The following PCDHGA7 variants were observed in gnomAD, a reference collection of about 807,000 sequenced individuals.
The protein encoded by PCDHGA7 is protocadherin gamma-A7.
A neutral mutation model predicts 58.3 loss-of-function variants in PCDHGA7; 44 were observed. The observed-to-expected ratio is 0.75, with a 90% confidence interval of 0.59 to 0.97. The LOEUF (loss-of-function observed/expected upper bound fraction) is 0.97. Among genes scored for constraint, PCDHGA7 ranks in the 50% least tolerant of loss-of-function variants. PCDHGA7 has a pLI of 0.00. For synonymous variants in PCDHGA7, 516 were observed against 504.2 expected (o/e 1.02, Z -0.31); for missense variants, 1,266 against 1,188.7 (o/e 1.06, Z -0.96).
At chr5:141,399,350 G>T (rs746925566) in intron 1 of PCDHGA7, 2 of 1,613,964 alleles carry the variant, frequency 1.2e-6, no homozygotes, top group East Asian at 2.2e-5. Flanking sequence ...ACCCTAGACC[G>T]AGAGCAAACC....
rs900884760 is a variant in PCDHGA7, at chr5:141,414,031, C to T, written c.2424+28708C>T. ...CAATGGAGAAGTGACATATTCATTC[C>T]GAAAATTACCTGACACGCAATTGTT... On this transcript the variant is annotated intron_variant, in intron 1 of 3. Coordinates refer to ENST00000518325, the MANE Select transcript of PCDHGA7 (RefSeq NM_018920.4). 4 of 1,611,858 alleles carry T rather than the reference C, an allele frequency of 2.5e-6. No homozygotes were observed. The Admixed American group carries it at 6.7e-5, about 27-fold the overall frequency.
At chr5:141,421,825 AG>A in intron 1 of PCDHGA7, 1 of 1,613,802 alleles carries the variant, frequency 6.2e-7, no homozygotes. Flanking sequence ...ACTGGAGGGA[AG>A]CCTGGACCGA....
intron 2 of PCDHGA7, among the ~76,000 whole-genome samples, chr5:141,496,903 A>G (rs990378360): frequency 1.1e-4 from 16 of 150,744 alleles, no homozygotes; most frequent in Non-Finnish European, 2.4e-4. Flanking sequence ...AAAAAAAAAA[A>G]GGCTGGGCAC....
intron 1 of PCDHGA7, chr5:141,388,381 C>T (rs370363580): frequency 1.9e-6 from 3 of 1,613,888 alleles, no homozygotes; most frequent in African/African-American, 2.7e-5. Flanking sequence ...GGTAGCAACA[C>T]ACTGCAGAAT....
At chr5:141,421,504 C>G (rs757410882) in intron 1 of PCDHGA7, 1 of 1,614,062 alleles carries the variant, frequency 6.2e-7, no homozygotes, top group South Asian at 1.1e-5. Flanking sequence ...CAGGATAGAC[C>G]GGGAGGAGCT....
intron 1 of PCDHGA7, chr5:141,404,976 T>G (rs373850794): frequency 4.3e-6 from 7 of 1,614,002 alleles, no homozygotes; most frequent in Non-Finnish European, 5.9e-6. Context: ...CTGGCTGACC[T>G]GGGCAGTCTT....
At position 141,490,376 on chromosome 5, in the gene PCDHGA7, CA is replaced by C; in HGVS notation, c.2425-4430del. 1 of 1,614,184 alleles carries C rather than the reference CA, an allele frequency of 6.2e-7. No individual in the cohort carries two copies. Among genetic ancestry groups the C allele is most frequent in the African/African-American group, 1.3e-5 (1 of 75,030 alleles). On this transcript the variant is annotated intron_variant, in intron 1 of 3. Coordinates refer to ENST00000518325, the MANE Select transcript of PCDHGA7 (RefSeq NM_018920.4). This position sits in a 1 kb window ranked among gnomAD's most constrained non-coding sequence, Gnocchi z 5.4. ...TTGTTTAATGTGCGAGACCGGGACTCAGGTAGAAATGGTGAAGTGAGCCTTG... is the reference window on the plus strand; with the variant it reads ...TTGTTTAATGTGCGAGACCGGGACTCGGTAGAAATGGTGAAGTGAGCCTTG...
At position 141,390,867 on chromosome 5, in the gene PCDHGA7, CGTGT is replaced by C. The variant is rs61319619; in HGVS notation, c.2424+5562_2424+5565del. The C allele has an allele frequency of 5.1e-4, 77 of 151,148 alleles. No homozygotes were observed. The East Asian group carries it at 6.0e-3, about 12-fold the overall frequency. 9.4% of individuals were successfully genotyped at this position (151,148 alleles called of 1,614,324 possible). A position where few individuals can be genotyped will look rare whatever the true frequency, so the allele number is the denominator to read the frequency against. On this transcript the variant is annotated intron_variant, in intron 1 of 3. Coordinates refer to ENST00000518325, the MANE Select transcript of PCDHGA7 (RefSeq NM_018920.4). ...TTATATGCAGTGTACGCTGTGTGTG[CGTGT>C]GTGTGTGTGTGTGTGTGAGAGAGAT...
chr5:141,388,818 G>T, intron 1 of PCDHGA7: 2 of 1,613,928 alleles, frequency 1.2e-6, no homozygotes, highest in Non-Finnish European at 1.7e-6. Context: ...AGAAGTCAAA[G>T]AATATTCCAT....
In PCDHGA7 at chr5:141,421,591, G is replaced by A. The variant is rs1273484124; in HGVS notation, c.2424+36268G>A. The A allele has an allele frequency of 1.9e-6, 3 of 1,613,756 alleles. No homozygotes were observed. In the Admixed American group the frequency reaches 5.0e-5, roughly 27 times the overall value. ...CACCTTGAAGATTTACGGAGTGGAG[G>A]TGGAAATAATAGATATTAATGATAA... is the stretch of plus-strand genomic sequence containing the variant. On this transcript the variant is annotated intron_variant, in intron 1 of 3. Transcript: ENST00000518325.
intron 1 of PCDHGA7, among the ~76,000 whole-genome samples, chr5:141,480,874 G>A (rs1487409799): frequency 2.6e-5 from 4 of 151,950 alleles, no homozygotes; most frequent in African/African-American, 7.3e-5. Context: ...GTGAAACCCC[G>A]TCTCTACTAA....
Position 141,432,670 on chromosome 5 carries a change from G to A in PCDHGA7, c.2424+47347G>A, listed in dbSNP as rs749221752. ...CGCGAGCCCTGCTGGACAGAGACGC[G>A]CTCAAGCAGAGCCTCGTAGTGGCCG... On this transcript the variant is annotated intron_variant, in intron 1 of 3. Coordinates refer to ENST00000518325, the MANE Select transcript of PCDHGA7 (RefSeq NM_018920.4). The surrounding 1 kb of genome is among the most constrained non-coding windows in gnomAD (Gnocchi z 6.0). The A allele has an allele frequency of 6.8e-6, 11 of 1,613,748 alleles. No individual in the cohort carries two copies. The East Asian group carries it at 1.8e-4, about 26-fold the overall frequency.
In PCDHGA7 at chr5:141,490,861, T is replaced by C. The variant is rs1465042036; in HGVS notation, c.2425-3946T>C. The C allele has an allele frequency of 1.2e-6, 2 of 1,613,816 alleles. No individual in the cohort carries two copies. Among genetic ancestry groups the C allele is most frequent in the Non-Finnish European group, 1.7e-6 (2 of 1,179,920 alleles). On this transcript the variant is annotated intron_variant, in intron 1 of 3. Coordinates refer to ENST00000518325, the MANE Select transcript of PCDHGA7 (RefSeq NM_018920.4). The surrounding 1 kb of genome is among the most constrained non-coding windows in gnomAD (Gnocchi z 5.4). Reference sequence around the variant, plus strand: ...TGTGGTGGGGGTTCGAGACTCCGGCTCTCCCCCATTGCATGCCAACACATC... The same window carrying C: ...TGTGGTGGGGGTTCGAGACTCCGGCCCTCCCCCATTGCATGCCAACACATC...
intron 1 of PCDHGA7, chr5:141,428,062 A>G: frequency 6.2e-7 from 1 of 1,609,084 alleles, no homozygotes; most frequent in African/African-American, 1.3e-5. Flanking sequence ...GTGGCGGTGG[A>G]CGCAGATTCG....
rs1297899765 is a variant in PCDHGA7, at chr5:141,431,815, C to T, written c.2424+46492C>T. ...CCCCAGAAGTGGTCCTCACCTCTCTCGCCAGCTCGGTTCCCGAAAACTCTC... is the reference window on the plus strand; with the variant it reads ...CCCCAGAAGTGGTCCTCACCTCTCTTGCCAGCTCGGTTCCCGAAAACTCTC... On this transcript the variant is annotated intron_variant, in intron 1 of 3. Transcript: ENST00000518325. The surrounding 1 kb of genome is among the most constrained non-coding windows in gnomAD (Gnocchi z 4.8). 5 of 1,614,124 alleles carry T rather than the reference C, an allele frequency of 3.1e-6. No homozygotes were observed. The Admixed American group carries it at 5.0e-5, about 16-fold the overall frequency.
intron 1 of PCDHGA7, chr5:141,404,343 A>G (rs2094516679): frequency 3.1e-6 from 5 of 1,613,902 alleles, no homozygotes; most frequent in Non-Finnish European, 4.2e-6. Flanking sequence ...CTCCCGGAAA[A>G]CAACGCCAGA....
At position 141,382,843 on chromosome 5, in the gene PCDHGA7, C is replaced by T. The variant is rs1588925022; in HGVS notation, c.-57C>T. The T allele has an allele frequency of 5.4e-6, 8 of 1,471,852 alleles. No individual in the cohort carries two copies. Among genetic ancestry groups the T allele is most frequent in the East Asian group, 2.3e-5 (1 of 43,808 alleles). 91.2% of individuals were successfully genotyped at this position (1,471,852 alleles called of 1,614,324 possible). ...AGACAGAGGGGTCCACCCGGATACA[C>T]CCGCATTCTGAAGCACTTCCCGAGA... On this transcript the variant is annotated 5_prime_UTR_variant, in exon 1 of 4. Transcript: ENST00000518325.
intron 1 of PCDHGA7, chr5:141,417,908 C>G (rs1255727429): frequency 6.3e-7 from 1 of 1,597,500 alleles, no homozygotes; most frequent in Non-Finnish European, 8.5e-7. Context: ...GCGGCAGGTA[C>G]TATTTCCTTT....
At chr5:141,504,352 G>A (rs2099837588) in intron 2 of PCDHGA7, among the ~76,000 whole-genome samples, 3 of 152,016 alleles carry the variant, frequency 2.0e-5, no homozygotes, top group Admixed American at 1.3e-4. Flanking sequence ...TTTGTGCTAG[G>A]TGCTTCAGTA....
Sources: allele counts gnomAD v4.1 joint callset (sites outside exome capture counted in the v4.1 genomes callset), GRCh38; gene constraint gnomAD v4.1.1; non-coding constraint Gnocchi (gnomAD v3.1); transcripts MANE v1.5; gene names NCBI Gene and HGNC (gene_info 2026-07-23, HGNC 2026-07-21).